Variants in LSAMP observed in about 807,000 individuals in gnomAD.
The protein encoded by LSAMP is limbic system associated membrane protein.
Under a neutral mutation model 38.6 loss-of-function variants are expected in LSAMP, and 7 were observed. The observed-to-expected ratio is 0.18, with a 90% confidence interval of 0.10 to 0.34. LSAMP has a LOEUF of 0.34. Among genes scored for constraint, LSAMP ranks in the 10% least tolerant of loss-of-function variants. LSAMP has a pLI of 1.00. For synonymous variants in LSAMP, 154 were observed against 166.8 expected (o/e 0.92, Z 0.59); for missense variants, 313 against 420.0 (o/e 0.75, Z 2.23).
intron 1 of LSAMP, among the ~76,000 whole-genome samples, chr3:116,322,016 A>T (rs954448387): frequency 1.3e-5 from 2 of 152,242 alleles, no homozygotes; most frequent in African/African-American, 4.8e-5. Context: ...TGTTCAAGGA[A>T]AACATGGTAT....
At chr3:116,420,726 T>C (rs1175944787) in intron 1 of LSAMP, among the ~76,000 whole-genome samples, 1 of 151,164 alleles carries the variant, frequency 6.6e-6, no homozygotes, top group Non-Finnish European at 1.5e-5. Flanking sequence ...AATACAAAAA[T>C]ATTAGCCGGG....
At chr3:116,146,859 T>A (rs1704963322) in intron 1 of LSAMP, among the ~76,000 whole-genome samples, 1 of 151,934 alleles carries the variant, frequency 6.6e-6, no homozygotes, top group Non-Finnish European at 1.5e-5. Flanking sequence ...TCACATTTTT[T>A]AAGAAATAAA....
At chr3:116,166,599 CATAT>C (rs1381370413) in intron 1 of LSAMP, among the ~76,000 whole-genome samples, 1 of 151,940 alleles carries the variant, frequency 6.6e-6, no homozygotes, top group Admixed American at 6.6e-5. Context: ...TATATATGTA[CATAT>C]ATATGTATGC....
chr3:116,405,029 T>C (rs1006706295), intron 1 of LSAMP, among the ~76,000 whole-genome samples: 6 of 152,208 alleles, frequency 3.9e-5, no homozygotes, highest in Admixed American at 3.9e-4. Flanking sequence ...CCCAAAATCA[T>C]TGGATTCAGA....
At chr3:115,939,574 T>TTCTTTCTTTCTTTCTTTC (rs1559889099) in intron 3 of LSAMP, among the ~76,000 whole-genome samples, 5 of 149,578 alleles carry the variant, frequency 3.3e-5, no homozygotes, top group East Asian at 2.0e-4. Flanking sequence ...CTTTCTTTCT[T>TTCTTTCTTTCTTTCTTTC]TCTTTCTTTC....
intron 1 of LSAMP, among the ~76,000 whole-genome samples, chr3:116,129,602 A>G (rs1335853064): frequency 5.9e-5 from 9 of 152,206 alleles, no homozygotes; most frequent in Admixed American, 5.9e-4. Flanking sequence ...CACTTTCTCT[A>G]AAGGAAATGA....
chr3:116,158,294 CAA>C (rs888128927), intron 1 of LSAMP, among the ~76,000 whole-genome samples: 45 of 152,090 alleles, frequency 3.0e-4, no homozygotes, highest in African/African-American at 1.1e-3. Context: ...AAAACCAAAA[CAA>C]GAGAAGGATG....
rs1044905235 is a variant in LSAMP, at chr3:116,005,018, C to G, written c.514+14497G>C. On this transcript the variant is annotated intron_variant, in intron 3 of 6. Transcript: ENST00000490035. ...AGTAGTTGAAACTAATGTGACTGTT[C>G]TAGTGATGGTAGTAATAGTAGCAGT... Among the ~76,000 whole-genome samples, 7 of 152,110 alleles carry G rather than the reference C, an allele frequency of 4.6e-5. No individual in the cohort carries two copies. In the East Asian group the frequency reaches 1.2e-3, roughly 25 times the overall value.
At chr3:116,240,548 A>G (rs2046519511) in intron 1 of LSAMP, among the ~76,000 whole-genome samples, 1 of 152,196 alleles carries the variant, frequency 6.6e-6, no homozygotes, top group Admixed American at 6.5e-5. Context: ...AGGAGAAGAA[A>G]AAATGAAATT....
chr3:116,088,037 G>C (rs541969318), intron 1 of LSAMP, among the ~76,000 whole-genome samples: 45 of 151,606 alleles, frequency 3.0e-4, no homozygotes, highest in African/African-American at 1.1e-3. Context: ...AGGATGATAG[G>C]TGCATGCCAC....
intron 1 of LSAMP, among the ~76,000 whole-genome samples, chr3:116,323,281 C>T (rs1373392057): frequency 6.6e-6 from 1 of 152,048 alleles, no homozygotes; most frequent in Non-Finnish European, 1.5e-5. Flanking sequence ...GATTATTTCC[C>T]CTTACTTTTG....
intron 1 of LSAMP, among the ~76,000 whole-genome samples, chr3:116,246,840 C>T (rs539369538): frequency 7.9e-4 from 121 of 152,232 alleles, no homozygotes; most frequent in Middle Eastern, 3.4e-3. Context: ...GAGAGACTTT[C>T]TCATACTTTG....
chr3:116,259,136 G>T (rs1006286944), intron 1 of LSAMP, among the ~76,000 whole-genome samples: 1 of 152,090 alleles, frequency 6.6e-6, no homozygotes, highest in Non-Finnish European at 1.5e-5. Flanking sequence ...CTACAAAATT[G>T]TTCAGTGGCT....
chr3:115,971,965 C>A (rs1305491784), intron 3 of LSAMP, among the ~76,000 whole-genome samples: 1 of 151,996 alleles, frequency 6.6e-6, no homozygotes, highest in Non-Finnish European at 1.5e-5. Context: ...TTTTTGGCTA[C>A]TAATCCTATA....
intron 6 of LSAMP, chr3:115,834,575 G>A (rs1934723746): frequency 7.8e-7 from 1 of 1,275,700 alleles, no homozygotes; most frequent in Non-Finnish European, 1.0e-6. Flanking sequence ...GAATGGGGTG[G>A]GGGATTGTGG....
At chr3:116,334,904 A>G (rs1485149460) in intron 1 of LSAMP, among the ~76,000 whole-genome samples, 1 of 152,086 alleles carries the variant, frequency 6.6e-6, no homozygotes, top group African/African-American at 2.4e-5. Flanking sequence ...GGCAAGATAA[A>G]GAAATAAAAT....
At chr3:116,302,851 T>C (rs926495822) in intron 1 of LSAMP, among the ~76,000 whole-genome samples, 2 of 152,162 alleles carry the variant, frequency 1.3e-5, no homozygotes, top group Non-Finnish European at 1.5e-5. Flanking sequence ...GTAGCACTGA[T>C]CTCCCAATGA....
chr3:116,095,226 T>A (rs1708200858), intron 1 of LSAMP, among the ~76,000 whole-genome samples: 1 of 152,208 alleles, frequency 6.6e-6, no homozygotes, highest in African/African-American at 2.4e-5. Flanking sequence ...AGGCTACCAC[T>A]TATTACAATG....
intron 3 of LSAMP, among the ~76,000 whole-genome samples, chr3:115,937,026 A>G (rs1937725797): frequency 6.6e-6 from 1 of 152,222 alleles, no homozygotes; most frequent in Non-Finnish European, 1.5e-5. Context: ...ATGAATTATA[A>G]TAAAGTTACC....
Sources: allele counts gnomAD v4.1 joint callset (sites outside exome capture counted in the v4.1 genomes callset), GRCh38; gene constraint gnomAD v4.1.1; transcripts MANE v1.5; gene names NCBI Gene and HGNC (gene_info 2026-07-23, HGNC 2026-07-21).